The following SULT1E1 variants were observed in gnomAD, a reference collection of about 807,000 sequenced individuals.
SULT1E1 encodes the protein sulfotransferase 1E1.
A neutral mutation model predicts 33.6 loss-of-function variants in SULT1E1; 36 were observed. That is an observed-to-expected ratio of 1.07 (90% confidence interval 0.82 to 1.41). The LOEUF is 1.41. Among genes scored for constraint, SULT1E1 ranks in the 40% most tolerant of loss-of-function variants. The pLI is 0.00. For missense variants in SULT1E1, 371 were observed against 345.7 expected (o/e 1.07, Z -0.58); for synonymous variants, 121 against 111.7 (o/e 1.08, Z -0.53).
At chr4:69,827,236 G>T in the SULT1E1 span, among the ~76,000 whole-genome samples, 84 of 152,286 alleles carry the variant, frequency 5.5e-4, 2 homozygotes, top group African/African-American at 1.4e-3. Flanking sequence ...TTAATGAAAA[G>T]AATGTGGCTT....
chr4:69,846,554 T>C (rs1185279942), intron 6 of SULT1E1, among the ~76,000 whole-genome samples: 1 of 151,532 alleles, frequency 6.6e-6, no homozygotes, highest in Non-Finnish European at 1.5e-5. Flanking sequence ...TTTTTGCAGT[T>C]ATTAAGAATG....
the SULT1E1 span, among the ~76,000 whole-genome samples, chr4:69,827,634 A>G: frequency 1.3e-5 from 2 of 152,192 alleles, no homozygotes; most frequent in Non-Finnish European, 2.9e-5. Flanking sequence ...AGATATCAAG[A>G]GAAAGCTCCA....
chr4:69,854,340 A>G (rs2110072573), intron 3 of SULT1E1, 26 bp from the exon 4 acceptor site: 1 of 1,480,448 alleles, frequency 6.8e-7, no homozygotes, highest in Non-Finnish European at 9.3e-7. Context: ...GTAAAGGTTA[A>G]GCAACTTCAA....
chr4:69,847,423 T>A (rs1442711269), intron 6 of SULT1E1, among the ~76,000 whole-genome samples: 2 of 151,626 alleles, frequency 1.3e-5, no homozygotes, highest in Non-Finnish European at 3.0e-5. Flanking sequence ...TGTGCCTATG[T>A]GTGTGTGTTA....
downstream of SULT1E1, among the ~76,000 whole-genome samples, chr4:69,838,100 G>T (rs1171341988): frequency 6.6e-6 from 1 of 152,012 alleles, no homozygotes; most frequent in East Asian, 1.9e-4. Flanking sequence ...GCTTTCACTG[G>T]TTGTAGAATC....
chr4:69,835,947 G>GCTTCTTTAT, the SULT1E1 span, among the ~76,000 whole-genome samples: 1 of 152,156 alleles, frequency 6.6e-6, no homozygotes, highest in Admixed American at 6.5e-5. Flanking sequence ...CCTGGCCTAG[G>GCTTCTTTAT]CTTCTTTATC....
chr4:69,844,071 T>C (rs1720929663), intron 7 of SULT1E1, 90 bp downstream of exon 7: 5 of 1,173,002 alleles, frequency 4.3e-6, no homozygotes, highest in Non-Finnish European at 6.4e-6. Flanking sequence ...GCTGGGTTCA[T>C]AGGCATTAAA....
intron 5 of SULT1E1, among the ~76,000 whole-genome samples, chr4:69,848,293 G>A (rs915448258): frequency 3.3e-5 from 5 of 151,710 alleles, no homozygotes; most frequent in Admixed American, 1.3e-4. Flanking sequence ...GAATGTTCTC[G>A]TAGGTACCCT....
chr4:69,849,571 G>T lies in SULT1E1; in HGVS notation c.370-8C>A. 1 of 1,585,600 alleles carries T rather than the reference G, an allele frequency of 6.3e-7. No individual in the cohort carries two copies. The highest frequency in any genetic ancestry group is 1.2e-5 in the South Asian group (1 of 86,370). On this transcript the variant is annotated splice_region_variant and splice_polypyrimidine_tract_variant and intron_variant, in intron 4 of 7. Coordinates refer to ENST00000226444, the MANE Select transcript of SULT1E1 (RefSeq NM_005420.3). Reference sequence around the variant, plus strand: ...CCGGCAAAGATAGATTATCTAAGAGGATGAAATTGTATATTAAACCACTTA... The same window carrying T: ...CCGGCAAAGATAGATTATCTAAGAGTATGAAATTGTATATTAAACCACTTA...
intron 6 of SULT1E1, among the ~76,000 whole-genome samples, chr4:69,845,452 TAAAA>T (rs1473169015): frequency 6.6e-6 from 1 of 151,038 alleles, no homozygotes; most frequent in Non-Finnish European, 1.5e-5. Context: ...AAATTGAAAT[TAAAA>T]AAAGATGATG....
the SULT1E1 span, among the ~76,000 whole-genome samples, chr4:69,828,586 C>G: frequency 1.3e-5 from 2 of 152,208 alleles, no homozygotes; most frequent in Non-Finnish European, 2.9e-5. Flanking sequence ...GTAACAGTCA[C>G]TGCAAGCTTC....
chr4:69,846,035 A>G (rs1720969798), intron 6 of SULT1E1, among the ~76,000 whole-genome samples: 1 of 151,028 alleles, frequency 6.6e-6, no homozygotes, highest in South Asian at 2.1e-4. Context: ...AAATATATGA[A>G]TAAGACATGG....
At chr4:69,824,311 C>G in the SULT1E1 span, among the ~76,000 whole-genome samples, 1 of 152,266 alleles carries the variant, frequency 6.6e-6, no homozygotes, top group South Asian at 2.1e-4. Context: ...TGCCATGACC[C>G]TATGACTTGG....
At chr4:69,852,695 A>C (rs1259156265) in intron 4 of SULT1E1, among the ~76,000 whole-genome samples, 1 of 151,938 alleles carries the variant, frequency 6.6e-6, no homozygotes, top group Non-Finnish European at 1.5e-5. Context: ...TATTTGTTTT[A>C]TTTTGTTGTT....
chr4:69,857,635 C>A lies in SULT1E1; in HGVS notation c.10G>T (p.Glu4Ter). Residue 4 changes from glutamate (E) to a stop codon, truncating the protein, a stop_gained, in exon 2 of 8, where the codon GAA (glutamate) becomes TAA (stop). Coordinates refer to ENST00000226444, the MANE Select transcript of SULT1E1 (RefSeq NM_005420.3). LOFTEE classifies it high-confidence loss of function. Reference sequence around the variant, plus strand: ...TCAAACTTTTCATAATAGTCAAGTTCAGAATTCATTGTGGTACACTGAAAA... The same window carrying A: ...TCAAACTTTTCATAATAGTCAAGTTAAGAATTCATTGTGGTACACTGAAAA... MNS[E>*]LDYYEKFEEV... is the part of the protein sequence containing the mutation. 1.3e-6 allele frequency: 2 copies of A among 1,599,920 alleles called. No individual in the cohort carries two copies. Among genetic ancestry groups the A allele is most frequent in the South Asian group, 2.3e-5 (2 of 87,866 alleles).
the SULT1E1 span, among the ~76,000 whole-genome samples, chr4:69,831,342 A>G: frequency 9.7e-4 from 147 of 152,234 alleles, no homozygotes; most frequent in Middle Eastern, 0.017. Flanking sequence ...GTGTCTTACA[A>G]TATGCTGCCA....
chr4:69,853,773 G>A (rs776426565), intron 4 of SULT1E1, among the ~76,000 whole-genome samples: 12 of 152,022 alleles, frequency 7.9e-5, no homozygotes, highest in Non-Finnish European at 1.8e-4. Flanking sequence ...ATCCTTTTAT[G>A]GTTCATTTGC....
downstream of SULT1E1, chr4:69,838,713 G>A (rs1043983244): frequency 1.2e-4 from 18 of 152,286 alleles, no homozygotes; most frequent in African/African-American, 4.1e-4. Context: ...GTGGCAGTGA[G>A]ATCAGAGGTC....
intron 4 of SULT1E1, among the ~76,000 whole-genome samples, chr4:69,850,241 T>C (rs1444237178): frequency 2.0e-5 from 3 of 152,064 alleles, no homozygotes; most frequent in Non-Finnish European, 4.4e-5. Context: ...TTTTCTTTAC[T>C]AAACAAATGA....
Sources: allele counts gnomAD v4.1 joint callset (sites outside exome capture counted in the v4.1 genomes callset), GRCh38; gene constraint gnomAD v4.1.1; transcripts MANE v1.5; gene names NCBI Gene and HGNC (gene_info 2026-07-23, HGNC 2026-07-21).